UBE2W: variants seen among roughly 807,000 people sequenced by gnomAD.
The protein encoded by UBE2W is ubiquitin conjugating enzyme E2 W.
A neutral mutation model predicts 27.2 loss-of-function variants in UBE2W; 18 were observed. The ratio of observed to expected loss-of-function variants is 0.66; its 90% CI spans 0.46 to 0.98. UBE2W has a LOEUF of 0.98. Ranked by LOEUF, UBE2W falls within the 50% of genes least tolerant of loss-of-function variation. The pLI, the probability that UBE2W is intolerant of heterozygous loss-of-function variation, is 0.00. For synonymous variants in UBE2W, 53 were observed against 57.2 expected (o/e 0.93, Z 0.33); for missense variants, 90 against 180.2 (o/e 0.50, Z 2.87).
chr8:73,840,103 C>A (rs1253033510), intron 1 of UBE2W, among the ~76,000 whole-genome samples: 1 of 151,802 alleles, frequency 6.6e-6, no homozygotes, highest in Non-Finnish European at 1.5e-5. Context: ...GTCGCCCAGG[C>A]TGGAGTGCAG....
At chr8:73,816,401 T>A (rs1809385650) in intron 3 of UBE2W, among the ~76,000 whole-genome samples, 1 of 151,760 alleles carries the variant, frequency 6.6e-6, no homozygotes, top group Admixed American at 6.6e-5. Flanking sequence ...ACATCACCCA[T>A]GAAAGAGGAT....
chr8:73,845,552 CAGGGACACAAACATTGCGGA>C (rs1266680416), intron 1 of UBE2W, among the ~76,000 whole-genome samples: 37 of 152,158 alleles, frequency 2.4e-4, no homozygotes, highest in African/African-American at 8.9e-4. Flanking sequence ...CTCAAGTACC[CAGGGACACAAACATTGCGGA>C]AGGCGGCAGG....
At chr8:73,874,180 C>T (rs959114372) in intron 1 of UBE2W, among the ~76,000 whole-genome samples, 1 of 152,004 alleles carries the variant, frequency 6.6e-6, no homozygotes, top group African/African-American at 2.4e-5. Context: ...GCCTGTAATC[C>T]CAGCACTTTG....
chr8:73,813,633 G>T (rs1256827143), intron 3 of UBE2W, among the ~76,000 whole-genome samples: 1 of 114,972 alleles, frequency 8.7e-6, no homozygotes, highest in African/African-American at 3.7e-5. Context: ...CATATAAAGG[G>T]TGAATTTACA....
At chr8:73,822,873 G>T (rs1306294747) in intron 3 of UBE2W, among the ~76,000 whole-genome samples, 1 of 152,140 alleles carries the variant, frequency 6.6e-6, no homozygotes, top group Admixed American at 6.6e-5. Flanking sequence ...AATGTAGGAG[G>T]GAGGAGTGTG....
chr8:73,789,212 T>C lies in UBE2W; in HGVS notation c.*4890A>G. On this transcript the variant is annotated 3_prime_UTR_variant, in exon 6 of 6. Coordinates refer to ENST00000602593, the MANE Select transcript of UBE2W (RefSeq NM_018299.6). ...CAGACGAGGCATGGTGGCTTGCACCTGTAATCCCAGCATTTTGGGAGGCTG... is the reference window on the plus strand; with the variant it reads ...CAGACGAGGCATGGTGGCTTGCACCCGTAATCCCAGCATTTTGGGAGGCTG... 1 of 977,480 alleles carries C rather than the reference T, an allele frequency of 1.0e-6. No individual in the cohort carries two copies. Among genetic ancestry groups the C allele is most frequent in the Non-Finnish European group, 1.2e-6 (1 of 828,826 alleles). 60.6% of individuals were successfully genotyped at this position (977,480 alleles called of 1,614,324 possible).
chr8:73,795,951 G>A (rs1808393209), intron 5 of UBE2W: 2 of 158,920 alleles, frequency 1.3e-5, no homozygotes, highest in Middle Eastern at 3.4e-3. Flanking sequence ...GCATGGTAGT[G>A]CATGCCTGTA....
chr8:73,848,681 G>C (rs762455770), intron 1 of UBE2W, among the ~76,000 whole-genome samples: 1 of 152,160 alleles, frequency 6.6e-6, no homozygotes, highest in Non-Finnish European at 1.5e-5. Context: ...GACAGAGTGA[G>C]ATCCTATCTC....
chr8:73,797,166 T>C (rs528975571), intron 5 of UBE2W, among the ~76,000 whole-genome samples: 17 of 152,226 alleles, frequency 1.1e-4, no homozygotes, highest in African/African-American at 3.9e-4. Flanking sequence ...TTCTGAGAAA[T>C]GTAAATGAGA....
At position 73,788,443 on chromosome 8, in the gene UBE2W, A is replaced by G. The variant is rs1305478836; in HGVS notation, c.*5659T>C. On this transcript the variant is annotated 3_prime_UTR_variant, in exon 6 of 6. Transcript: ENST00000602593. ...CAAACAAATTCATTTTGACCTGAAC[A>G]TGCATTTAGTTTTTGGCTACTAATC... 5.1e-6 allele frequency: 5 copies of G among 985,316 alleles called. No homozygotes were observed. Among genetic ancestry groups the G allele is most frequent in the Non-Finnish European group, 6.0e-6 (5 of 829,944 alleles). 61.0% of individuals were successfully genotyped at this position (985,316 alleles called of 1,614,324 possible). A position where few individuals can be genotyped will look rare whatever the true frequency, so the allele number is the denominator to read the frequency against.
intron 2 of UBE2W, among the ~76,000 whole-genome samples, chr8:73,829,665 T>C (rs1809993296): frequency 6.6e-6 from 1 of 152,046 alleles, no homozygotes; most frequent in African/African-American, 2.4e-5. Flanking sequence ...CTGATACAAA[T>C]GCCAAAGTCA....
downstream of UBE2W, among the ~76,000 whole-genome samples, chr8:73,784,682 G>C (rs75896430): frequency 4.8e-3 from 733 of 152,084 alleles, 4 homozygotes; most frequent in Non-Finnish European, 6.7e-3. Flanking sequence ...CCCTAGAGTG[G>C]GTGCAAGTCT....
At chr8:73,867,657 G>A (rs1359072897) in intron 1 of UBE2W, among the ~76,000 whole-genome samples, 2 of 151,104 alleles carry the variant, frequency 1.3e-5, no homozygotes, top group Admixed American at 1.3e-4. Flanking sequence ...GTTTCAGTGA[G>A]CCAAGATCAT....
chr8:73,798,822 A>T (rs922781935), intron 5 of UBE2W, among the ~76,000 whole-genome samples: 3 of 152,190 alleles, frequency 2.0e-5, no homozygotes, highest in African/African-American at 7.2e-5. Context: ...CTGTATGCAG[A>T]TCTGTTTTCT....
chr8:73,804,872 G>A (rs1455266807), intron 5 of UBE2W, among the ~76,000 whole-genome samples: 2 of 151,742 alleles, frequency 1.3e-5, no homozygotes, highest in Non-Finnish European at 2.9e-5. Flanking sequence ...TTAGCTGCAA[G>A]CCACCACGCC....
intron 3 of UBE2W, among the ~76,000 whole-genome samples, chr8:73,816,989 G>C (rs1466300451): frequency 6.8e-6 from 1 of 146,374 alleles, no homozygotes; most frequent in Non-Finnish European, 1.5e-5. Context: ...AGCCAAGATT[G>C]CGCCACTTCA....
At chr8:73,808,629 C>T (rs796167468) in intron 4 of UBE2W, among the ~76,000 whole-genome samples, 14 of 152,338 alleles carry the variant, frequency 9.2e-5, no homozygotes, top group African/African-American at 3.1e-4. Context: ...TGTAACTTAT[C>T]ACTTAGCACA....
At chr8:73,811,601 C>G (rs1809157661) in intron 3 of UBE2W, among the ~76,000 whole-genome samples, 1 of 152,082 alleles carries the variant, frequency 6.6e-6, no homozygotes, top group Non-Finnish European at 1.5e-5. Context: ...GTTGGAAGAT[C>G]TGCTTAAAAA....
At chr8:73,802,746 G>A (rs191385518) in intron 5 of UBE2W, among the ~76,000 whole-genome samples, 155 of 152,080 alleles carry the variant, frequency 1.0e-3, no homozygotes, top group African/African-American at 3.5e-3. Flanking sequence ...AAAATTGGCC[G>A]GGTGTGGAGG....
Sources: allele counts gnomAD v4.1 joint callset (sites outside exome capture counted in the v4.1 genomes callset), GRCh38; gene constraint gnomAD v4.1.1; transcripts MANE v1.5; gene names NCBI Gene and HGNC (gene_info 2026-07-23, HGNC 2026-07-21).